FLT1: variants seen among roughly 807,000 people sequenced by gnomAD.
The protein encoded by FLT1 is fms related receptor tyrosine kinase 1, also known as vascular endothelial growth factor receptor 1.
In FLT1, 49 loss-of-function variants were observed where a neutral mutation model predicts 156.3. The ratio of observed to expected loss-of-function variants is 0.31; its 90% confidence interval spans 0.25 to 0.40. The LOEUF is 0.40. Ranked by LOEUF, FLT1 falls within the 10% of genes least tolerant of loss-of-function variation. FLT1 has a pLI of 1.00. For missense variants in FLT1, 1,322 were observed against 1,637.2 expected (o/e 0.81, Z 3.32); for synonymous variants, 594 against 583.8 (o/e 1.02, Z -0.25).
At chr13:28,326,171 TTGAC>T (rs1370360399) in intron 20 of FLT1, among the ~76,000 whole-genome samples, 2 of 152,246 alleles carry the variant, frequency 1.3e-5, no homozygotes, top group African/African-American at 4.8e-5. Flanking sequence ...TATTGAATGT[TTGAC>T]TGAGAGATTT....
chr13:28,371,327 TGG>T (rs1873556573), intron 14 of FLT1, among the ~76,000 whole-genome samples: 1 of 152,202 alleles, frequency 6.6e-6, no homozygotes, highest in Non-Finnish European at 1.5e-5. Flanking sequence ...AAATATTAAA[TGG>T]AAAATTCCAT....
intron 14 of FLT1, among the ~76,000 whole-genome samples, chr13:28,373,063 T>C (rs1873693286): frequency 6.6e-6 from 1 of 152,182 alleles, no homozygotes; most frequent in South Asian, 2.1e-4. Context: ...AGTGAATGTT[T>C]TTGAGGCAAG....
intron 17 of FLT1, among the ~76,000 whole-genome samples, chr13:28,337,512 A>C (rs1335362557): frequency 6.6e-6 from 1 of 152,222 alleles, no homozygotes; most frequent in South Asian, 2.1e-4. Flanking sequence ...CAATCAGAGG[A>C]GTGTACCTCG....
At chr13:28,468,891 A>G (rs1879995276) in intron 1 of FLT1, among the ~76,000 whole-genome samples, 1 of 152,242 alleles carries the variant, frequency 6.6e-6, no homozygotes, top group Admixed American at 6.5e-5. Flanking sequence ...CAGCAATGTA[A>G]GAACAGCCTA....
intron 12 of FLT1, among the ~76,000 whole-genome samples, chr13:28,394,721 C>T (rs1321051969): frequency 6.6e-6 from 1 of 152,160 alleles, no homozygotes; most frequent in East Asian, 1.9e-4. Context: ...GCAGCTCTTC[C>T]CACAATGTGA....
At chr13:28,357,868 CTT>C (rs57304530) in intron 14 of FLT1, among the ~76,000 whole-genome samples, 183 bp from the exon 15 acceptor site, 26 of 104,726 alleles carry the variant, frequency 2.5e-4, no homozygotes, top group African/African-American at 8.5e-4. Context: ...CTTTTCTTTC[CTT>C]TTTTTTTTTT....
chr13:28,319,390 G>A, intron 24 of FLT1, 33 bp downstream of exon 24: 4 of 1,325,480 alleles, frequency 3.0e-6, no homozygotes, highest in Non-Finnish European at 4.3e-6. Context: ...TTTATTTCTG[G>A]GCTGTTTGAT....
intron 23 of FLT1, among the ~76,000 whole-genome samples, chr13:28,320,696 C>CT (rs1480672022): frequency 3.3e-5 from 5 of 152,098 alleles, no homozygotes; most frequent in Non-Finnish European, 5.9e-5. Context: ...AATTCTCAGG[C>CT]TCCACCCAAG....
At chr13:28,361,800 C>G (rs1460267852) in intron 14 of FLT1, among the ~76,000 whole-genome samples, 1 of 152,082 alleles carries the variant, frequency 6.6e-6, no homozygotes, top group Non-Finnish European at 1.5e-5. Context: ...TTCAAAAGAC[C>G]TGTTTTGAGT....
chr13:28,480,903 A>T (rs567151270), intron 1 of FLT1, among the ~76,000 whole-genome samples: 1 of 152,282 alleles, frequency 6.6e-6, no homozygotes, highest in East Asian at 1.9e-4. Flanking sequence ...CGGGGTGGAG[A>T]CTCAGCAATG....
chr13:28,378,190 C>A (rs1158847663), intron 14 of FLT1, among the ~76,000 whole-genome samples: 4 of 151,704 alleles, frequency 2.6e-5, no homozygotes, highest in Non-Finnish European at 5.9e-5. Flanking sequence ...CTGGGGCTAT[C>A]AGCATGCGCC....
chr13:28,354,072 G>GTC (rs1872818965), intron 15 of FLT1, among the ~76,000 whole-genome samples: 1 of 152,150 alleles, frequency 6.6e-6, no homozygotes, highest in African/African-American at 2.4e-5. Context: ...GGGTCCATAT[G>GTC]CATCTAACAG....
At chr13:28,378,364 G>A (rs1873935549) in intron 14 of FLT1, among the ~76,000 whole-genome samples, 1 of 152,044 alleles carries the variant, frequency 6.6e-6, no homozygotes, top group Admixed American at 6.6e-5. Context: ...AATCTTTAAG[G>A]GCTGAGAATG....
chr13:28,308,805 T>C, intron 28 of FLT1, 38 bp downstream of exon 28: 1 of 1,212,802 alleles, frequency 8.2e-7, no homozygotes, highest in Non-Finnish European at 1.2e-6. Context: ...AGAAGGGGTC[T>C]ATCGGGGTGC....
At chr13:28,338,880 G>A (rs1366993721) in intron 17 of FLT1, among the ~76,000 whole-genome samples, 2 of 152,156 alleles carry the variant, frequency 1.3e-5, no homozygotes, top group East Asian at 3.9e-4. Context: ...TTTGAGGGAA[G>A]AGATGCAAGC....
chr13:28,443,290 C>T (rs147117808), intron 3 of FLT1, among the ~76,000 whole-genome samples: 49 of 152,270 alleles, frequency 3.2e-4, no homozygotes, highest in Non-Finnish European at 3.4e-4. Flanking sequence ...CAGAATGGAA[C>T]GATGTCTATT....
At chr13:28,313,503 T>C (rs545003062) in intron 25 of FLT1, among the ~76,000 whole-genome samples, 1 of 152,328 alleles carries the variant, frequency 6.6e-6, no homozygotes, top group East Asian at 1.9e-4. Context: ...GGACTCTGAC[T>C]TACACTCAAA....
At chr13:28,320,728 G>C (rs185198297) in intron 23 of FLT1, among the ~76,000 whole-genome samples, 5 of 152,028 alleles carry the variant, frequency 3.3e-5, no homozygotes, top group African/African-American at 1.2e-4. Flanking sequence ...CAGAAACTCT[G>C]GGGGGTGGAA....
chr13:28,410,572 AT>A (rs1160366636), intron 10 of FLT1, among the ~76,000 whole-genome samples: 2 of 152,204 alleles, frequency 1.3e-5, no homozygotes, highest in African/African-American at 4.8e-5. Context: ...AGACACACAG[AT>A]TTTTTTAAAA....
Sources: gnomAD v4.1 joint callset for allele counts (sites outside exome capture counted in the v4.1 genomes callset) on GRCh38, gnomAD v4.1.1 for gene constraint, MANE v1.5 for transcripts, NCBI Gene and HGNC (gene_info 2026-07-23, HGNC 2026-07-21) for gene names.